The following SAMMSON variants were observed in gnomAD, a reference collection of about 807,000 sequenced individuals.
SAMMSON encodes long intergenic non-protein coding RNA 1212.
At chr3:70,372,644 T>C (rs1702980178) in intron 9 of SAMMSON, among the ~76,000 whole-genome samples, 1 of 152,198 alleles carries the variant, frequency 6.6e-6, no homozygotes, top group African/African-American at 2.4e-5. Flanking sequence ...ATATTCTAGA[T>C]GCTGGTACTT....
intron 4 of SAMMSON, among the ~76,000 whole-genome samples, chr3:70,215,079 A>G (rs2106732296): frequency 6.6e-6 from 1 of 152,222 alleles, no homozygotes; most frequent in Middle Eastern, 3.4e-3. Flanking sequence ...AATATTCTCT[A>G]TTATGTTAAA....
At chr3:70,126,082 A>G in intron 4 of SAMMSON, 1 of 1,206,608 alleles carries the variant, frequency 8.3e-7, no homozygotes, top group Non-Finnish European at 1.2e-6. Context: ...GAACTTAGGC[A>G]CGCTTGCCAA....
At chr3:70,361,082 G>C (rs1559572326) in intron 9 of SAMMSON, among the ~76,000 whole-genome samples, 1 of 152,126 alleles carries the variant, frequency 6.6e-6, no homozygotes, top group Non-Finnish European at 1.5e-5. Context: ...AGGTCAGAGA[G>C]ACACGAAGTG....
intron 2 of SAMMSON, among the ~76,000 whole-genome samples, chr3:70,416,341 C>A (rs539762820): frequency 6.6e-6 from 1 of 152,190 alleles, no homozygotes; most frequent in Admixed American, 6.5e-5. Flanking sequence ...AATTTATATG[C>A]CAATGATGTT....
At chr3:70,335,565 G>A (rs548471300) in intron 7 of SAMMSON, among the ~76,000 whole-genome samples, 4 of 152,000 alleles carry the variant, frequency 2.6e-5, no homozygotes, top group South Asian at 4.2e-4. Context: ...AATAAAGACA[G>A]CCTATTTACT....
At chr3:70,381,178 A>AGAAACCAATTCCTCACTCT (rs1703063286) in intron 9 of SAMMSON, among the ~76,000 whole-genome samples, 1 of 152,212 alleles carries the variant, frequency 6.6e-6, no homozygotes, top group Non-Finnish European at 1.5e-5. Flanking sequence ...AAAAAGATGT[A>AGAAACCAATTCCTCACTCT]GAAACCAATT....
intron 1 of SAMMSON, among the ~76,000 whole-genome samples, chr3:70,006,668 TA>T (rs1390788151): frequency 7.9e-5 from 12 of 152,022 alleles, no homozygotes; most frequent in Admixed American, 2.6e-4. Context: ...TCCTTTTTTT[TA>T]AATTATACTT....
chr3:70,079,550 G>A (rs2067260504), intron 4 of SAMMSON, among the ~76,000 whole-genome samples: 1 of 152,116 alleles, frequency 6.6e-6, no homozygotes, highest in Non-Finnish European at 1.5e-5. Flanking sequence ...CAGTACAGTA[G>A]TCAATAAACT....
intron 4 of SAMMSON, among the ~76,000 whole-genome samples, chr3:70,214,060 A>G (rs1701379119): frequency 6.6e-6 from 1 of 152,102 alleles, no homozygotes; most frequent in Non-Finnish European, 1.5e-5. Flanking sequence ...TGAGGGATGA[A>G]GGCTTCTAAA....
At chr3:70,108,964 A>G (rs1303749061) in intron 4 of SAMMSON, among the ~76,000 whole-genome samples, 1 of 152,154 alleles carries the variant, frequency 6.6e-6, no homozygotes, top group Non-Finnish European at 1.5e-5. Flanking sequence ...GATGGCTAAA[A>G]ATCATTATAG....
At chr3:70,007,617 T>G (rs913457384) in intron 1 of SAMMSON, among the ~76,000 whole-genome samples, 1 of 151,462 alleles carries the variant, frequency 6.6e-6, no homozygotes, top group Admixed American at 6.6e-5. Context: ...TGATTGTAGT[T>G]TTTTTTTTGC....
At chr3:70,260,682 C>A (rs1278810430) in intron 6 of SAMMSON, among the ~76,000 whole-genome samples, 1 of 152,100 alleles carries the variant, frequency 6.6e-6, no homozygotes, top group Non-Finnish European at 1.5e-5. Flanking sequence ...TACAGCTGTT[C>A]TCTCCAGATT....
chr3:70,175,450 G>A (rs1018588590), intron 4 of SAMMSON, among the ~76,000 whole-genome samples: 1 of 152,078 alleles, frequency 6.6e-6, no homozygotes, highest in African/African-American at 2.4e-5. Context: ...CACTTGAACT[G>A]TATGAGAGAC....
chr3:70,283,973 T>C (rs1214630075), intron 6 of SAMMSON: 3 of 152,074 alleles, frequency 2.0e-5, no homozygotes, highest in African/African-American at 4.8e-5. Context: ...TCTCTAGTTT[T>C]CCCACCACCC....
chr3:70,291,309 T>C (rs1444180065), intron 7 of SAMMSON: 1 of 152,054 alleles, frequency 6.6e-6, no homozygotes. Context: ...AGCAGCCAAC[T>C]CATTTTTTTT....
chr3:70,256,689 G>C (rs1203033939), intron 6 of SAMMSON, among the ~76,000 whole-genome samples: 2 of 152,162 alleles, frequency 1.3e-5, no homozygotes, highest in African/African-American at 2.4e-5. Context: ...TAGCAGTATG[G>C]GGAAGCAATG....
chr3:70,344,003 T>C lies in SAMMSON; in HGVS notation n.740-10172T>C, dbSNP rs545020273. Among the ~76,000 whole-genome samples, 16 of 152,082 alleles carry C rather than the reference T, an allele frequency of 1.1e-4. 1 individual carries two copies. In the East Asian group the frequency reaches 3.1e-3, roughly 29 times the overall value. On this transcript the variant is annotated intron_variant and non_coding_transcript_variant, in intron 7 of 9. Coordinates refer to ENST00000642114, the Ensembl canonical transcript of SAMMSON. ...GAGCTTTTTCAGTTGGTTCCCATGT[T>C]CCTTTGACAGACCTCCATTACTGGG...
chr3:70,106,461 C>T (rs1388186333), intron 4 of SAMMSON, among the ~76,000 whole-genome samples: 2 of 151,654 alleles, frequency 1.3e-5, no homozygotes, highest in Admixed American at 6.6e-5. Flanking sequence ...ACACCCCAGC[C>T]TCCTGAGTAG....
intron 7 of SAMMSON, among the ~76,000 whole-genome samples, chr3:70,338,704 G>A (rs1192464348): frequency 1.3e-5 from 2 of 152,034 alleles, no homozygotes; most frequent in Non-Finnish European, 2.9e-5. Flanking sequence ...GGGATATGAA[G>A]GACCTCTTCA....
Sources: allele counts gnomAD v4.1 joint callset (sites outside exome capture counted in the v4.1 genomes callset), GRCh38; gene constraint gnomAD v4.1.1; transcripts MANE v1.5; gene names NCBI Gene and HGNC (gene_info 2026-07-23, HGNC 2026-07-21).